The following BMAL1 variants were observed in gnomAD, a reference collection of about 807,000 sequenced individuals.
BMAL1 encodes the protein basic helix-loop-helix ARNT like 1.
At chr11:13,329,142 G>T in the BMAL1 span, among the ~76,000 whole-genome samples, 1 of 152,166 alleles carries the variant, frequency 6.6e-6, no homozygotes, top group Non-Finnish European at 1.5e-5. Flanking sequence ...AAGAACACAA[G>T]ATCACTTCAG....
chr11:13,284,860 C>T, the BMAL1 span, among the ~76,000 whole-genome samples: 1 of 152,122 alleles, frequency 6.6e-6, no homozygotes, highest in Admixed American at 6.5e-5. Context: ...GTCTTCCAGG[C>T]TCTCCAGGGT....
At chr11:13,375,789 TC>T in the BMAL1 span, 2 of 1,515,868 alleles carry the variant, frequency 1.3e-6, no homozygotes, top group Non-Finnish European at 8.8e-7. Context: ...TATCTGAAGC[TC>T]CCCTTGCTTC....
At chr11:13,277,458 T>C in the BMAL1 span, among the ~76,000 whole-genome samples, 1 of 151,726 alleles carries the variant, frequency 6.6e-6, no homozygotes, top group African/African-American at 2.4e-5. Context: ...CGCGGATTGG[T>C]CCTCTCCTCG....
the BMAL1 span, among the ~76,000 whole-genome samples, chr11:13,293,481 G>A: frequency 6.6e-6 from 1 of 152,248 alleles, no homozygotes; most frequent in African/African-American, 2.4e-5. Flanking sequence ...GTAGACTGCA[G>A]CCCCATGGAG....
the BMAL1 span, among the ~76,000 whole-genome samples, chr11:13,339,633 C>G: frequency 7.2e-5 from 11 of 152,094 alleles, no homozygotes; most frequent in African/African-American, 2.7e-4. Context: ...TGCCCCAGGT[C>G]GCTGGTCCCC....
the BMAL1 span, chr11:13,387,009 T>A: frequency 2.8e-6 from 1 of 359,122 alleles, no homozygotes. Flanking sequence ...AATTGTATAT[T>A]TTGGATTCTG....
chr11:13,322,168 C>T, the BMAL1 span, among the ~76,000 whole-genome samples: 2 of 152,178 alleles, frequency 1.3e-5, no homozygotes, highest in Admixed American at 6.5e-5. Flanking sequence ...GCTAAGAGGA[C>T]CTGCTTCCCA....
the BMAL1 span, among the ~76,000 whole-genome samples, chr11:13,315,612 C>A: frequency 6.6e-6 from 1 of 152,148 alleles, no homozygotes; most frequent in South Asian, 2.1e-4. Flanking sequence ...CCCTTCTATA[C>A]GCCACCGTTC....
the BMAL1 span, among the ~76,000 whole-genome samples, chr11:13,382,608 C>T: frequency 6.6e-6 from 1 of 151,716 alleles, no homozygotes; most frequent in Non-Finnish European, 1.5e-5. Flanking sequence ...CCACCATCTT[C>T]TTAGGGTGGT....
At chr11:13,336,981 C>T in the BMAL1 span, among the ~76,000 whole-genome samples, 1 of 152,318 alleles carries the variant, frequency 6.6e-6, no homozygotes, top group East Asian at 1.9e-4. Flanking sequence ...TGAATACTTA[C>T]TACTAAGTTT....
the BMAL1 span, among the ~76,000 whole-genome samples, chr11:13,283,636 A>G: frequency 2.6e-5 from 4 of 152,152 alleles, no homozygotes; most frequent in East Asian, 1.9e-4. Flanking sequence ...CAGCCGCACC[A>G]TGCCAGGAGC....
the BMAL1 span, among the ~76,000 whole-genome samples, chr11:13,299,404 GA>G: frequency 3.8e-4 from 58 of 152,296 alleles, no homozygotes; most frequent in Middle Eastern, 3.4e-3. Context: ...CTGAGTTGGT[GA>G]AGGGAGCACA....
At chr11:13,314,842 A>G in the BMAL1 span, among the ~76,000 whole-genome samples, 1 of 152,184 alleles carries the variant, frequency 6.6e-6, no homozygotes, top group Non-Finnish European at 1.5e-5. Context: ...TAAACCTTGT[A>G]AAGTCCCCAG....
At chr11:13,342,733 C>G in the BMAL1 span, among the ~76,000 whole-genome samples, 1 of 152,130 alleles carries the variant, frequency 6.6e-6, no homozygotes, top group African/African-American at 2.4e-5. Flanking sequence ...ATTTGTAAAT[C>G]CCTGCACCCT....
the BMAL1 span, among the ~76,000 whole-genome samples, chr11:13,313,037 A>G: frequency 5.3e-5 from 8 of 152,364 alleles, no homozygotes; most frequent in African/African-American, 1.9e-4. Context: ...GGTAAAATCC[A>G]TAAAATTCCT....
chr11:13,356,283 G>A, the BMAL1 span: 33 of 458,116 alleles, frequency 7.2e-5, no homozygotes, highest in Admixed American at 2.6e-4. Context: ...TCCTCACTTC[G>A]TCCCTTCCCT....
At chr11:13,379,983 T>TGGG in the BMAL1 span, 1 of 152,214 alleles carries the variant, frequency 6.6e-6, no homozygotes, top group Admixed American at 6.5e-5. Flanking sequence ...GAGATGAAGG[T>TGGG]GGGCATGTTT....
chr11:13,328,813 A>C, the BMAL1 span, among the ~76,000 whole-genome samples: 6 of 152,218 alleles, frequency 3.9e-5, no homozygotes, highest in African/African-American at 1.4e-4. Context: ...ATAATGCTCC[A>C]TACCTGGTTT....
chr11:13,289,050 C>T, the BMAL1 span, among the ~76,000 whole-genome samples: 1 of 152,206 alleles, frequency 6.6e-6, no homozygotes, highest in South Asian at 2.1e-4. Context: ...CACCATATAG[C>T]CAAAGCAAAT....
Sources: allele counts gnomAD v4.1 joint callset (sites outside exome capture counted in the v4.1 genomes callset), GRCh38; gene constraint gnomAD v4.1.1; transcripts MANE v1.5; gene names NCBI Gene and HGNC (gene_info 2026-07-23, HGNC 2026-07-21).